DYNC2H1: variants seen among roughly 807,000 people sequenced by gnomAD.
DYNC2H1 encodes the protein dynein cytoplasmic 2 heavy chain 1.
A neutral mutation model predicts 570.0 loss-of-function variants in DYNC2H1; 410 were observed. That is an observed-to-expected ratio of 0.72 (90% confidence interval 0.66 to 0.78). The LOEUF (loss-of-function observed/expected upper bound fraction) is 0.78, where lower values mean the gene tolerates loss of function less well. DYNC2H1 is among the 30% of genes least tolerant of loss of function. The pLI, the probability that DYNC2H1 is intolerant of heterozygous loss-of-function variation, is 0.00. For missense variants in DYNC2H1, 4,865 were observed against 5,046.4 expected (o/e 0.96, Z 1.09); for synonymous variants, 1,688 against 1,677.6 (o/e 1.01, Z -0.15).
chr11:103,270,577 C>CCT (rs3076351), intron 70 of DYNC2H1, among the ~76,000 whole-genome samples: 8,352 of 146,196 alleles, frequency 0.057, 275 homozygotes, highest in African/African-American at 0.1. Flanking sequence ...TGATGTGGTA[C>CCT]CTCTCTCTCT....
intron 25 of DYNC2H1, among the ~76,000 whole-genome samples, chr11:103,155,924 G>A (rs1860796440): frequency 6.6e-6 from 1 of 152,072 alleles, no homozygotes; most frequent in South Asian, 2.1e-4. Flanking sequence ...AAATAATCTT[G>A]AGAAGTTATG....
At chr11:103,257,475 G>A in intron 68 of DYNC2H1, 133 bp from the exon 69 acceptor site, 1 of 858,942 alleles carries the variant, frequency 1.2e-6, no homozygotes, top group Non-Finnish European at 1.6e-6. Flanking sequence ...ATCTTCATTT[G>A]TTTTATGTGC....
At chr11:103,271,619 A>G (rs1865712346) in intron 70 of DYNC2H1, among the ~76,000 whole-genome samples, 1 of 152,176 alleles carries the variant, frequency 6.6e-6, no homozygotes, top group Non-Finnish European at 1.5e-5. Flanking sequence ...TGATATGACT[A>G]TTATATAGTA....
intron 1 of DYNC2H1, among the ~76,000 whole-genome samples, chr11:103,110,783 T>G (rs1858075243): frequency 6.6e-6 from 1 of 151,914 alleles, no homozygotes; most frequent in Non-Finnish European, 1.5e-5. Context: ...TCCCTAGGTC[T>G]AGCAGAGTTT....
At chr11:103,126,016 C>A (rs753068188) in intron 12 of DYNC2H1, among the ~76,000 whole-genome samples, 1 of 152,158 alleles carries the variant, frequency 6.6e-6, no homozygotes, top group South Asian at 2.1e-4. Flanking sequence ...GTGAAAATCA[C>A]TGTTATAATA....
At chr11:103,405,730 A>G (rs1942836829) in intron 84 of DYNC2H1, 1 of 152,014 alleles carries the variant, frequency 6.6e-6, no homozygotes, top group African/African-American at 2.4e-5. Flanking sequence ...TGCTCGAATT[A>G]GAAGGCTTAA....
chr11:103,386,649 A>G (rs1300897507), intron 83 of DYNC2H1, among the ~76,000 whole-genome samples: 1 of 149,872 alleles, frequency 6.7e-6, no homozygotes, highest in East Asian at 2.0e-4. Flanking sequence ...ATCCCTCCAC[A>G]CTCCCCCCAC....
At chr11:103,457,380 A>G (rs1565615831) in intron 87 of DYNC2H1, among the ~76,000 whole-genome samples, 1 of 152,090 alleles carries the variant, frequency 6.6e-6, no homozygotes, top group Non-Finnish European at 1.5e-5. Context: ...ACCATAGGAG[A>G]TGACAGCTTC....
intron 82 of DYNC2H1, among the ~76,000 whole-genome samples, chr11:103,356,424 TG>T (rs1940342482): frequency 6.6e-6 from 1 of 152,224 alleles, no homozygotes; most frequent in Non-Finnish European, 1.5e-5. Flanking sequence ...CATCTTTTTT[TG>T]GTTGGTGTAC....
intron 83 of DYNC2H1, among the ~76,000 whole-genome samples, chr11:103,389,808 T>A (rs1177475698): frequency 6.6e-6 from 1 of 152,268 alleles, no homozygotes; most frequent in East Asian, 1.9e-4. Context: ...TGAGTGGTTT[T>A]GAGTGAGTTT....
chr11:103,281,645 G>A (rs1866136967), intron 71 of DYNC2H1, among the ~76,000 whole-genome samples: 1 of 151,298 alleles, frequency 6.6e-6, no homozygotes, highest in South Asian at 2.1e-4. Flanking sequence ...CTAACTTGGG[G>A]ATGCCATGGG....
At chr11:103,168,604 A>T in intron 31 of DYNC2H1, 151 bp from the exon 32 acceptor site, 1 of 746,882 alleles carries the variant, frequency 1.3e-6, no homozygotes, top group Non-Finnish European at 2.0e-6. Flanking sequence ...TGACTTTTTT[A>T]GCTTATGTGA....
intron 71 of DYNC2H1, 132 bp from the exon 72 acceptor site, chr11:103,282,032 TGTTAACATACTAGAA>T (rs1174325770): frequency 2.2e-5 from 13 of 585,754 alleles, no homozygotes; most frequent in Admixed American, 1.7e-4. Context: ...TTCTTGATAA[TGTTAACATACTAGAA>T]GAAGTGGTAA....
intron 59 of DYNC2H1, among the ~76,000 whole-genome samples, chr11:103,223,969 A>G (rs1035987880): frequency 6.6e-6 from 1 of 150,636 alleles, no homozygotes; most frequent in Non-Finnish European, 1.5e-5. Context: ...GATGATCTCG[A>G]TCTCCTGACC....
chr11:103,136,707 G>A (rs1242423454), intron 17 of DYNC2H1, among the ~76,000 whole-genome samples: 1 of 152,048 alleles, frequency 6.6e-6, no homozygotes, highest in Non-Finnish European at 1.5e-5. Context: ...TGTCTTTATA[G>A]CAGCATGATT....
At chr11:103,361,819 T>G (rs1469025428) in intron 83 of DYNC2H1, among the ~76,000 whole-genome samples, 1 of 152,206 alleles carries the variant, frequency 6.6e-6, no homozygotes, top group Admixed American at 6.5e-5. Flanking sequence ...GAAGACTGTG[T>G]TACCATAGAA....
intron 78 of DYNC2H1, 147 bp from the exon 79 acceptor site, chr11:103,311,731 G>C (rs1867597085): frequency 1.5e-6 from 1 of 674,190 alleles, no homozygotes; most frequent in Non-Finnish European, 2.4e-6. Flanking sequence ...CTAGTTTTAT[G>C]TACATTTTGA....
At chr11:103,332,951 C>T (rs939966480) in intron 82 of DYNC2H1, among the ~76,000 whole-genome samples, 1 of 151,340 alleles carries the variant, frequency 6.6e-6, no homozygotes, top group African/African-American at 2.4e-5. Context: ...TACAGTGAGC[C>T]GAGATCATGC....
intron 69 of DYNC2H1, 103 bp from the exon 70 acceptor site, chr11:103,259,785 G>T (rs535795161): frequency 2.1e-4 from 150 of 717,046 alleles, no homozygotes; most frequent in Admixed American, 1.3e-3. Context: ...GATGGTTAAA[G>T]ATACTTGTTT....
Sources: allele counts gnomAD v4.1 joint callset (sites outside exome capture counted in the v4.1 genomes callset), GRCh38; gene constraint gnomAD v4.1.1; transcripts MANE v1.5; gene names NCBI Gene and HGNC (gene_info 2026-07-23, HGNC 2026-07-21).